The following NUP205 variants were observed in gnomAD, a reference collection of about 807,000 sequenced individuals.
The protein encoded by NUP205 is nuclear pore complex protein Nup205.
In NUP205, 76 loss-of-function variants were observed where a neutral mutation model predicts 253.8. That is an observed-to-expected ratio of 0.30 (90% CI 0.25 to 0.36). The LOEUF (loss-of-function observed/expected upper bound fraction) is 0.36, where lower values mean the gene tolerates loss of function less well. NUP205 is among the 10% of genes least tolerant of loss of function. The pLI is 1.00. For synonymous variants in NUP205, 832 were observed against 850.1 expected (o/e 0.98, Z 0.37); for missense variants, 2,162 against 2,425.5 (o/e 0.89, Z 2.28).
chr7:135,645,100 C>T, intron 40 of NUP205, 82 bp downstream of exon 40: 1 of 1,510,792 alleles, frequency 6.6e-7, no homozygotes, highest in Non-Finnish European at 9.0e-7. Context: ...ATTTGGGCAC[C>T]AAAACCAGGT....
chr7:135,612,789 G>C (rs1335438092), intron 22 of NUP205, among the ~76,000 whole-genome samples: 2 of 152,194 alleles, frequency 1.3e-5, no homozygotes. Context: ...AGGATTGACT[G>C]TGTTGGGTCA....
intron 10 of NUP205, among the ~76,000 whole-genome samples, chr7:135,589,906 A>G (rs1020539589): frequency 6.6e-6 from 1 of 151,182 alleles, no homozygotes; most frequent in Non-Finnish European, 1.5e-5. Flanking sequence ...TGACAGAGTA[A>G]GACCCTGTCT....
chr7:135,626,390 A>C (rs750294811), intron 33 of NUP205, 29 bp downstream of exon 33: 30 of 1,594,934 alleles, frequency 1.9e-5, no homozygotes, highest in Non-Finnish European at 2.3e-5. Flanking sequence ...TAATTTGGTT[A>C]AACTCCCAGT....
At chr7:135,600,829 G>T in intron 15 of NUP205, 41 bp from the exon 16 acceptor site, 1 of 1,219,030 alleles carries the variant, frequency 8.2e-7, no homozygotes, top group Non-Finnish European at 1.2e-6. Context: ...CACCACCTTG[G>T]TCTGTTTTAT....
At chr7:135,581,570 G>A (rs1806304303) in intron 7 of NUP205, among the ~76,000 whole-genome samples, 1 of 150,004 alleles carries the variant, frequency 6.7e-6, no homozygotes, top group Non-Finnish European at 1.5e-5. Context: ...AACAAGCATC[G>A]GCCGGGTGTG....
chr7:135,633,522 A>G (rs1413212792), intron 35 of NUP205, among the ~76,000 whole-genome samples: 1 of 152,216 alleles, frequency 6.6e-6, no homozygotes, highest in Non-Finnish European at 1.5e-5. Flanking sequence ...GTGTGTGTGT[A>G]CTTATCTGTT....
intron 27 of NUP205, among the ~76,000 whole-genome samples, 198 bp from the exon 28 acceptor site, chr7:135,618,214 C>T (rs185062985): frequency 6.2e-4 from 94 of 152,274 alleles, no homozygotes; most frequent in Non-Finnish European, 3.8e-4. Context: ...CTGTCCCCTA[C>T]CTTTCATGCA....
chr7:135,611,698 C>T (rs932575462), intron 22 of NUP205, among the ~76,000 whole-genome samples: 13 of 152,210 alleles, frequency 8.5e-5, no homozygotes, highest in Admixed American at 4.6e-4. Flanking sequence ...ATTAGCCAGG[C>T]GTTATGCCAT....
At chr7:135,611,060 C>T (rs1010672023) in intron 22 of NUP205, among the ~76,000 whole-genome samples, 8 of 149,548 alleles carry the variant, frequency 5.3e-5, no homozygotes, top group Admixed American at 1.3e-4. Flanking sequence ...GCCTGGAGTG[C>T]AGTGGTGTGG....
intron 20 of NUP205, among the ~76,000 whole-genome samples, 177 bp from the exon 21 acceptor site, chr7:135,606,574 G>C (rs1186679242): frequency 6.6e-6 from 1 of 152,160 alleles, no homozygotes; most frequent in Non-Finnish European, 1.5e-5. Flanking sequence ...TACTCAACTT[G>C]TAAATTTATA....
intron 8 of NUP205, among the ~76,000 whole-genome samples, chr7:135,585,291 T>C (rs1806426237): frequency 6.6e-6 from 1 of 152,202 alleles, no homozygotes; most frequent in Admixed American, 6.5e-5. Context: ...ATGTTCTATG[T>C]ACACCTGAAG....
chr7:135,571,279 A>ATTT lies in NUP205; in HGVS notation c.171+43_171+45dup, dbSNP rs546492942. On this transcript the variant is annotated intron_variant, in intron 2 of 42. Coordinates refer to ENST00000285968, the MANE Select transcript of NUP205 (RefSeq NM_015135.3). The stretch of plus-strand genomic sequence containing the variant: ...AATTTTCTTTTTCAGTTTTTTTGGG[A>ATTT]TTTTTTTTTTTTTAAGATCGAGGAA... 6.9e-4 allele frequency: 738 copies of ATTT among 1,071,440 alleles called. 1 individual carries two copies. The highest frequency in any genetic ancestry group is 1.2e-3 in the South Asian group (43 of 36,564). 66.4% of individuals were successfully genotyped at this position (1,071,440 alleles called of 1,614,324 possible). A position where few individuals can be genotyped will look rare whatever the true frequency, so the allele number is the denominator to read the frequency against.
chr7:135,565,496 G>A (rs913365836), intron 1 of NUP205, among the ~76,000 whole-genome samples: 5 of 148,852 alleles, frequency 3.4e-5, no homozygotes, highest in African/African-American at 1.2e-4. Flanking sequence ...GCAATGGTGT[G>A]ATCTCGGCTC....
In NUP205 at chr7:135,638,641, C is replaced by G; in HGVS notation, c.5350C>G (p.Pro1784Ala). The G allele has an allele frequency of 6.2e-7, 1 of 1,614,074 alleles. No individual in the cohort carries two copies. Among genetic ancestry groups the G allele is most frequent in the South Asian group, 1.1e-5 (1 of 91,078 alleles). The change falls in exon 38 of 43, where the codon CCT (proline) becomes GCT (alanine). Residue 1784 changes from proline (P) to alanine (A), a missense_variant. Around this residue, in one of 5 missense-constraint regions of NUP205, gnomAD observed 1,144 missense variants for 1,280.9 expected, o/e 0.89. Transcript: ENST00000285968. ...CCAGCATGCTGTGTGTCTCTTCACT[C>G]CTAGCCTTTCAGAAACAGTTAATAG... The part of the protein sequence containing the change: ...TFQHAVCLFT[P>A]SLSETVNRDG...
chr7:135,559,516 A>G (rs1310607729), intron 1 of NUP205, among the ~76,000 whole-genome samples: 1 of 150,678 alleles, frequency 6.6e-6, no homozygotes, highest in African/African-American at 2.4e-5. Context: ...GATTACAGGC[A>G]TGTGCCACCA....
chr7:135,614,689 A>G (rs1436896640), intron 23 of NUP205, among the ~76,000 whole-genome samples: 1 of 152,210 alleles, frequency 6.6e-6, no homozygotes, highest in Non-Finnish European at 1.5e-5. Context: ...TGAAATGAAA[A>G]GTTGAAAACT....
chr7:135,638,509 G>A, intron 37 of NUP205, 48 bp from the exon 38 acceptor site: 2 of 1,556,954 alleles, frequency 1.3e-6, no homozygotes, highest in Non-Finnish European at 1.8e-6. Context: ...CATGCTAATT[G>A]AGACATTTCA....
At chr7:135,573,242 GACT>G (rs1806051554) in intron 2 of NUP205, among the ~76,000 whole-genome samples, 1 of 152,048 alleles carries the variant, frequency 6.6e-6, no homozygotes, top group African/African-American at 2.4e-5. Context: ...TAGGAAATAA[GACT>G]ACATTTTATA....
rs1794794126 is a variant in NUP205 at position 135,635,565 on chromosome 7, A to C, written c.5060-16A>C. On this transcript the variant is annotated splice_polypyrimidine_tract_variant and intron_variant, in intron 35 of 42. Transcript: ENST00000285968. The stretch of plus-strand genomic sequence containing the variant: ...TTATTATAATAATATGTTTTAAAGC[A>C]TTCTACATTTTATAGGAATATTAAG... 1 of 1,393,940 alleles carries C rather than the reference A, an allele frequency of 7.2e-7. No homozygotes were observed. The highest frequency in any genetic ancestry group is 1.0e-6 in the Non-Finnish European group (1 of 989,614). 86.3% of individuals were successfully genotyped at this position (1,393,940 alleles called of 1,614,324 possible). A position where few individuals can be genotyped will look rare whatever the true frequency, so the allele number is the denominator to read the frequency against.
Sources: gnomAD v4.1 joint callset for allele counts (sites outside exome capture counted in the v4.1 genomes callset) on GRCh38, gnomAD v4.1.1 for gene constraint, gnomAD v4.1.1 regional missense constraint, MANE v1.5 for transcripts, NCBI Gene and HGNC (gene_info 2026-07-23, HGNC 2026-07-21) for gene names.